Variants in PPARG observed in about 807,000 individuals in gnomAD.
PPARG encodes peroxisome proliferator activated receptor gamma.
A neutral mutation model predicts 39.2 loss-of-function variants in PPARG; 17 were observed. That is an observed-to-expected ratio of 0.43 (90% CI 0.30 to 0.65). PPARG has a LOEUF of 0.65. PPARG is among the 30% of genes least tolerant of loss of function. The probability of loss-of-function intolerance (pLI) is 0.13; values close to 1 mark genes in which losing one functional copy is unlikely to be tolerated. For missense variants in PPARG, 406 were observed against 585.9 expected, an observed-to-expected ratio of 0.69 and a Z score of 3.17; for synonymous variants, 223 against 215.7, an observed-to-expected ratio of 1.03 and a Z score of -0.30.
rs190375766 is a variant in PPARG at position 12,358,656 on chromosome 3, T to C, written c.-8-21048T>C. On this transcript the variant is annotated intron_variant, in intron 2 of 7. Coordinates refer to ENST00000651735, the MANE Select transcript of PPARG (RefSeq NM_138711.6). ...CAAGTTTGCTTAGTGGATTAAAATA[T>C]GATGCTAATAAGAGCCAAAGTGAGT... 5.1e-3 allele frequency among the ~76,000 whole-genome samples: 776 copies of C among 152,308 alleles called. 8 individuals carry two copies. The highest frequency in any genetic ancestry group is 6.1e-3 in the Non-Finnish European group (412 of 68,020).
upstream of PPARG, among the ~76,000 whole-genome samples, chr3:12,288,422 C>CCGGG (rs548694986): frequency 1.1e-3 from 169 of 151,730 alleles, no homozygotes; most frequent in African/African-American, 4.0e-3. Context: ...CAGGACAGCC[C>CCGGG]CCCTCGGGAG....
intron 1 of PPARG, among the ~76,000 whole-genome samples, chr3:12,290,412 A>G (rs2046619404): frequency 6.6e-6 from 1 of 152,096 alleles, no homozygotes; most frequent in Non-Finnish European, 1.5e-5. Flanking sequence ...ATTGAACTTA[A>G]GTGCTTTGAA....
intron 5 of PPARG, among the ~76,000 whole-genome samples, chr3:12,399,653 A>G (rs1371998437): frequency 1.5e-4 from 6 of 39,758 alleles, no homozygotes; most frequent in African/African-American, 2.1e-4. Flanking sequence ...GGAAGGAAGG[A>G]AGGGAGGGAG....
At chr3:12,412,463 A>C (rs1212285357) in intron 6 of PPARG, among the ~76,000 whole-genome samples, 1 of 152,224 alleles carries the variant, frequency 6.6e-6, no homozygotes, top group Non-Finnish European at 1.5e-5. Flanking sequence ...CAAAATTGAA[A>C]ATCAAAATGT....
At chr3:12,289,399 GTTTA>G (rs1458198165) in intron 1 of PPARG, among the ~76,000 whole-genome samples, 1 of 152,144 alleles carries the variant, frequency 6.6e-6, no homozygotes, top group African/African-American at 2.4e-5. Flanking sequence ...AAAATGTAAA[GTTTA>G]TTTGTGTAAA....
At chr3:12,355,283 A>G (rs531987211) in intron 2 of PPARG, among the ~76,000 whole-genome samples, 1 of 152,094 alleles carries the variant, frequency 6.6e-6, no homozygotes, top group East Asian at 1.9e-4. Flanking sequence ...CTACAGGCGT[A>G]CCTTACCACA....
At chr3:12,387,600 G>C (rs888806527) in intron 4 of PPARG, among the ~76,000 whole-genome samples, 3 of 152,016 alleles carry the variant, frequency 2.0e-5, no homozygotes, top group African/African-American at 7.2e-5. Flanking sequence ...TAAGTTCTTT[G>C]TAGATTCTGG....
chr3:12,430,382 G>A (rs1001266155), intron 7 of PPARG, among the ~76,000 whole-genome samples: 4 of 152,186 alleles, frequency 2.6e-5, no homozygotes, highest in East Asian at 1.9e-4. Flanking sequence ...CGGTCTAACG[G>A]GGGAGAAACA....
At chr3:12,338,682 C>G (rs1172623901) in intron 2 of PPARG, among the ~76,000 whole-genome samples, 1 of 152,202 alleles carries the variant, frequency 6.6e-6, no homozygotes, top group Admixed American at 6.5e-5. Flanking sequence ...AATGCCATAT[C>G]TGATTAAATT....
At chr3:12,422,490 G>C (rs537671570) in intron 7 of PPARG, among the ~76,000 whole-genome samples, 165 of 152,288 alleles carry the variant, frequency 1.1e-3, no homozygotes, top group African/African-American at 3.5e-3. Flanking sequence ...TGCGTATTGA[G>C]ATGTGGAAGC....
intron 4 of PPARG, among the ~76,000 whole-genome samples, chr3:12,389,300 A>G (rs2049986870): frequency 6.6e-6 from 1 of 152,228 alleles, no homozygotes; most frequent in Non-Finnish European, 1.5e-5. Context: ...TGTGAAGGCT[A>G]GAATAAGAAA....
At chr3:12,372,002 T>C (rs2049233118) in intron 2 of PPARG, 1 of 716,898 alleles carries the variant, frequency 1.4e-6, no homozygotes, top group East Asian at 2.7e-5. Context: ...CAGTTATGAG[T>C]ACCATGACAT....
chr3:12,390,155 G>T (rs548578303), intron 4 of PPARG, among the ~76,000 whole-genome samples: 1 of 152,180 alleles, frequency 6.6e-6, no homozygotes, highest in Non-Finnish European at 1.5e-5. Context: ...ATACATTTCA[G>T]ATTGTCAAAA....
chr3:12,296,331 G>A (rs1311745716), intron 1 of PPARG, among the ~76,000 whole-genome samples: 2 of 151,364 alleles, frequency 1.3e-5, no homozygotes, highest in Non-Finnish European at 1.5e-5. Flanking sequence ...TCCTGGGATC[G>A]TGAGCATCCT....
At chr3:12,315,861 C>T (rs1200996529) in intron 2 of PPARG, among the ~76,000 whole-genome samples, 1 of 152,118 alleles carries the variant, frequency 6.6e-6, no homozygotes, top group East Asian at 1.9e-4. Context: ...TGAATGTTCA[C>T]ACCAGAACTG....
chr3:12,370,777 A>G (rs1345619731), intron 2 of PPARG, among the ~76,000 whole-genome samples: 1 of 152,042 alleles, frequency 6.6e-6, no homozygotes, highest in Non-Finnish European at 1.5e-5. Context: ...TTTTGTTTTT[A>G]ATTATTTTTA....
chr3:12,406,392 C>T (rs2125254439), intron 6 of PPARG: 1 of 383,086 alleles, frequency 2.6e-6, no homozygotes, highest in Admixed American at 3.9e-5. Context: ...GATCCATCTC[C>T]TTTCTCGGCA....
At chr3:12,407,600 T>C (rs2050718317) in intron 6 of PPARG, among the ~76,000 whole-genome samples, 1 of 152,218 alleles carries the variant, frequency 6.6e-6, no homozygotes, top group Non-Finnish European at 1.5e-5. Context: ...TCATTTATTT[T>C]CACATGAACA....
chr3:12,371,840 T>G (rs2120825), intron 2 of PPARG: 69,177 of 678,070 alleles, frequency 0.1, 4,386 homozygotes, highest in South Asian at 0.13. Context: ...AAACAGCCTT[T>G]TCTGCTGTAG....
Sources: gnomAD v4.1 joint callset for allele counts (sites outside exome capture counted in the v4.1 genomes callset) on GRCh38, gnomAD v4.1.1 for gene constraint, MANE v1.5 for transcripts, NCBI Gene and HGNC (gene_info 2026-07-23, HGNC 2026-07-21) for gene names.